The following SGCZ variants were observed in gnomAD, a reference collection of about 807,000 sequenced individuals.
The protein encoded by SGCZ is zeta-sarcoglycan.
SGCZ carries 40 observed loss-of-function variants against 41.3 expected under a neutral mutation model. The ratio of observed to expected loss-of-function variants is 0.97; its 90% CI spans 0.75 to 1.26. SGCZ has a LOEUF of 1.26. SGCZ is among the 50% of genes most tolerant of loss of function. SGCZ has a pLI of 0.00. For missense variants in SGCZ, 552 were observed against 369.8 expected, an observed-to-expected ratio of 1.49 and a Z score of -4.04; for synonymous variants, 206 against 137.5, an observed-to-expected ratio of 1.50 and a Z score of -3.49.
chr8:14,287,025 T>C (rs1221610130), intron 3 of SGCZ, among the ~76,000 whole-genome samples: 1 of 152,048 alleles, frequency 6.6e-6, no homozygotes, highest in Non-Finnish European at 1.5e-5. Flanking sequence ...GAGTTATCTG[T>C]GATTTCTTTG....
chr8:14,483,013 C>T (rs139867585), intron 2 of SGCZ, among the ~76,000 whole-genome samples: 158 of 152,114 alleles, frequency 1.0e-3, no homozygotes, highest in African/African-American at 3.5e-3. Context: ...AACACATATC[C>T]TATTGCTTCT....
At position 14,583,639 on chromosome 8, in the gene SGCZ, G is replaced by A. The variant is rs12677478; in HGVS notation, c.40-28713C>T. On this transcript the variant is annotated intron_variant, in intron 1 of 7. Transcript: ENST00000382080. ...TCTTCTAGGGTTTTTATGGTTTTAG[G>A]ACTAACGTTTAAGTCTTTAATCCAT... 1.2e-3 allele frequency among the ~76,000 whole-genome samples: 176 copies of A among 152,176 alleles called. 2 individuals carry two copies. The highest frequency in any genetic ancestry group is 8.7e-3 in the East Asian group (45 of 5,176).
At chr8:14,173,029 G>T (rs180710987) in intron 4 of SGCZ, among the ~76,000 whole-genome samples, 73 of 152,164 alleles carry the variant, frequency 4.8e-4, no homozygotes, top group Admixed American at 1.1e-3. Flanking sequence ...TGAAGTTGAG[G>T]CCCCTGAGTG....
chr8:14,826,690 A>G (rs565020890), intron 1 of SGCZ, among the ~76,000 whole-genome samples: 280 of 152,214 alleles, frequency 1.8e-3, no homozygotes, highest in African/African-American at 6.4e-3. Flanking sequence ...GCCAGTGATG[A>G]TGAGCATTTT....
At chr8:14,633,495 C>A (rs924692064) in intron 1 of SGCZ, among the ~76,000 whole-genome samples, 4 of 151,710 alleles carry the variant, frequency 2.6e-5, no homozygotes, top group African/African-American at 9.7e-5. Context: ...TAAGCAAAAT[C>A]ATTTATTATT....
intron 1 of SGCZ, among the ~76,000 whole-genome samples, chr8:14,959,018 T>C: frequency 6.6e-6 from 1 of 152,090 alleles, no homozygotes; most frequent in Admixed American, 6.6e-5. Context: ...TCCTACTACA[T>C]AGTAAAACAA....
chr8:14,663,020 C>G lies in SGCZ; in HGVS notation c.40-108094G>C, dbSNP rs1292726812. ...CCAAAAACACAAATAAACAAGGAAA[C>G]AGATCCTCCCCTAGGATGTCCAGAA... On this transcript the variant is annotated intron_variant, in intron 1 of 7. Transcript: ENST00000382080. 2.0e-5 allele frequency among the ~76,000 whole-genome samples: 3 copies of G among 152,140 alleles called. No homozygotes were observed. The East Asian group carries it at 5.8e-4, about 29-fold the overall frequency.
chr8:14,722,261 T>G (rs1026622754), intron 1 of SGCZ, among the ~76,000 whole-genome samples: 1 of 152,186 alleles, frequency 6.6e-6, no homozygotes, highest in Non-Finnish European at 1.5e-5. Flanking sequence ...CTAGCATCTA[T>G]AACATAATTT....
chr8:14,624,267 T>C (rs574336878), intron 1 of SGCZ, among the ~76,000 whole-genome samples: 1 of 152,220 alleles, frequency 6.6e-6, no homozygotes, highest in South Asian at 2.1e-4. Context: ...TTGAAAGCCT[T>C]AGGAATCCCC....
At chr8:14,326,395 T>C (rs1393945718) in intron 2 of SGCZ, among the ~76,000 whole-genome samples, 1 of 151,756 alleles carries the variant, frequency 6.6e-6, no homozygotes, top group African/African-American at 2.4e-5. Flanking sequence ...TATAGAAAAA[T>C]TTTGAAGAGA....
At chr8:14,747,091 A>C (rs1471643125) in intron 1 of SGCZ, among the ~76,000 whole-genome samples, 1 of 152,148 alleles carries the variant, frequency 6.6e-6, no homozygotes, top group African/African-American at 2.4e-5. Flanking sequence ...CAATTGGGGT[A>C]AGATTGTATA....
intron 1 of SGCZ, among the ~76,000 whole-genome samples, chr8:14,908,307 A>G (rs1007778247): frequency 1.3e-5 from 2 of 152,178 alleles, no homozygotes; most frequent in African/African-American, 2.4e-5. Context: ...AAATGAGGGG[A>G]AAAAGTTCAA....
chr8:14,230,124 T>G (rs1485576367), intron 4 of SGCZ, among the ~76,000 whole-genome samples: 1 of 152,054 alleles, frequency 6.6e-6, no homozygotes, highest in Non-Finnish European at 1.5e-5. Context: ...TCAGGATAAT[T>G]GAATATTGAG....
Position 15,119,907 on chromosome 8 carries a change from T to A in SGCZ, c.39+117678A>T, listed in dbSNP as rs146214786. Among the ~76,000 whole-genome samples the A allele has an allele frequency of 6.6e-5, 10 of 152,340 alleles. 1 individual carries two copies. In the East Asian group the frequency reaches 1.9e-3, roughly 29 times the overall value. ...GCATTGTGGCCTCGAACTCCTGAGC[T>A]CAAGCCATCCTCTTGCTTCAGCCTC... On this transcript the variant is annotated intron_variant, in intron 1 of 7. Coordinates refer to ENST00000382080, the MANE Select transcript of SGCZ (RefSeq NM_139167.4).
chr8:14,256,269 G>C (rs926300806), intron 3 of SGCZ, among the ~76,000 whole-genome samples: 31 of 152,196 alleles, frequency 2.0e-4, no homozygotes, highest in Non-Finnish European at 2.5e-4. Flanking sequence ...AAAGATGTAA[G>C]AGAGGTGCAT....
At chr8:14,999,827 G>C (rs979847859) in intron 1 of SGCZ, among the ~76,000 whole-genome samples, 2 of 152,156 alleles carry the variant, frequency 1.3e-5, no homozygotes, top group Non-Finnish European at 2.9e-5. Flanking sequence ...TCGCGGAACA[G>C]CAAAAAGTTA....
rs922710980 is a variant in SGCZ at position 14,271,846 on chromosome 8, C to T, written c.337-34167G>A. On this transcript the variant is annotated intron_variant, in intron 3 of 7. Transcript: ENST00000382080. ...ACTGAACAATTGCTGTTAAAAGCCT[C>T]GATCTCAGCTTTACATCTCTCTTTA... 5.3e-5 allele frequency among the ~76,000 whole-genome samples: 8 copies of T among 152,244 alleles called. No homozygotes were observed. The East Asian group carries it at 1.2e-3, about 22-fold the overall frequency.
intron 1 of SGCZ, among the ~76,000 whole-genome samples, chr8:14,737,257 A>G (rs1799066234): frequency 6.6e-6 from 1 of 151,128 alleles, no homozygotes; most frequent in Admixed American, 6.6e-5. Flanking sequence ...TATATTGTTG[A>G]TCAATAGGAT....
At chr8:14,432,421 C>T (rs1799968357) in intron 2 of SGCZ, among the ~76,000 whole-genome samples, 1 of 152,100 alleles carries the variant, frequency 6.6e-6, no homozygotes, top group African/African-American at 2.4e-5. Context: ...AGTGAAGTAA[C>T]TCAGGAATGG....
Sources: gnomAD v4.1 joint callset for allele counts (sites outside exome capture counted in the v4.1 genomes callset) on GRCh38, gnomAD v4.1.1 for gene constraint, MANE v1.5 for transcripts, NCBI Gene and HGNC (gene_info 2026-07-23, HGNC 2026-07-21) for gene names.